Variants in CCDC30 observed in about 807,000 individuals in gnomAD.
CCDC30 encodes the protein coiled-coil domain containing 30.
CCDC30 carries 70 observed loss-of-function variants against 100.2 expected under a neutral mutation model. The ratio of observed to expected loss-of-function variants is 0.70; its 90% CI spans 0.58 to 0.85. The LOEUF (loss-of-function observed/expected upper bound fraction) is 0.85, where lower values mean the gene tolerates loss of function less well. CCDC30 is among the 40% of genes least tolerant of loss of function. The pLI, the probability that CCDC30 is intolerant of heterozygous loss-of-function variation, is 0.00. For synonymous variants in CCDC30, 233 were observed against 269.5 expected (o/e 0.86, Z 1.33); for missense variants, 652 against 771.2 (o/e 0.85, Z 1.83).
rs376619184 is a variant in CCDC30 at position 42,539,195 on chromosome 1, A to G, written c.457-27101A>G. 85 of 1,594,136 alleles carry G rather than the reference A, an allele frequency of 5.3e-5. No individual in the cohort carries two copies. In the African/African-American group the frequency reaches 1.1e-3, roughly 21 times the overall value. On this transcript the variant is annotated intron_variant, in intron 6 of 16. Transcript: ENST00000668663. ...CAGGAATTGCAAAAATCAAAGTCAG[A>G]GCTTATATGCCTTTATAATGAAGTT...
At chr1:42,506,481 G>A (rs868208474) in intron 6 of CCDC30, among the ~76,000 whole-genome samples, 1 of 152,182 alleles carries the variant, frequency 6.6e-6, no homozygotes, top group Non-Finnish European at 1.5e-5. Context: ...TATCTTTGTG[G>A]TTTACAATAA....
At chr1:42,606,400 C>T (rs943613496) in intron 10 of CCDC30, among the ~76,000 whole-genome samples, 1 of 152,160 alleles carries the variant, frequency 6.6e-6, no homozygotes, top group African/African-American at 2.4e-5. Context: ...GTTTCAGACT[C>T]CCTAGTAGCT....
chr1:42,590,453 G>A (rs983574339), intron 10 of CCDC30: 2 of 152,144 alleles, frequency 1.3e-5, no homozygotes, highest in African/African-American at 4.8e-5. Flanking sequence ...TCAGAAGAAG[G>A]CAGGAGGACC....
intron 9 of CCDC30, among the ~76,000 whole-genome samples, chr1:42,582,825 G>A (rs976525932): frequency 1.3e-5 from 2 of 152,108 alleles, no homozygotes; most frequent in African/African-American, 2.4e-5. Flanking sequence ...TTCTTCTCCT[G>A]TTACAATTCT....
At chr1:42,551,720 A>G (rs957001530) in intron 6 of CCDC30, among the ~76,000 whole-genome samples, 2 of 150,558 alleles carry the variant, frequency 1.3e-5, no homozygotes, top group African/African-American at 4.9e-5. Flanking sequence ...TTTCTCTTAT[A>G]CCTTTTGAAA....
intron 6 of CCDC30, among the ~76,000 whole-genome samples, chr1:42,507,572 A>G (rs1644414399): frequency 6.6e-6 from 1 of 152,238 alleles, no homozygotes; most frequent in Admixed American, 6.5e-5. Context: ...TTACTAAAAA[A>G]CATATTTTAC....
rs1646137561 is a variant in CCDC30, at chr1:42,589,318, C to T, written c.1002-3C>T. 1 of 1,581,046 alleles carries T rather than the reference C, an allele frequency of 6.3e-7. No individual in the cohort carries two copies. Among genetic ancestry groups the T allele is most frequent in the South Asian group, 1.2e-5 (1 of 84,456 alleles). On this transcript the variant is annotated splice_polypyrimidine_tract_variant and splice_region_variant and intron_variant, in intron 9 of 16. Transcript: ENST00000668663. ...TGATTTAATCTACATTAATTGCCCTCAGGAAACTTCTATATCAGAACGTAG... is the reference window on the plus strand; with the variant it reads ...TGATTTAATCTACATTAATTGCCCTTAGGAAACTTCTATATCAGAACGTAG...
chr1:42,553,008 A>G (rs1645286251), intron 6 of CCDC30, among the ~76,000 whole-genome samples: 1 of 152,040 alleles, frequency 6.6e-6, no homozygotes, highest in Non-Finnish European at 1.5e-5. Context: ...GGAATCCCTT[A>G]TTACAGCCTG....
chr1:42,510,510 A>C (rs2148490561), intron 6 of CCDC30, among the ~76,000 whole-genome samples: 1 of 152,186 alleles, frequency 6.6e-6, no homozygotes, highest in African/African-American at 2.4e-5. Context: ...TACAATAATT[A>C]GCTGGATGTG....
intron 1 of CCDC30, among the ~76,000 whole-genome samples, chr1:42,477,605 G>A (rs1192529015): frequency 3.9e-5 from 6 of 152,192 alleles, no homozygotes. Flanking sequence ...TCCCTAGCAT[G>A]TTAATGATTT....
the CCDC30 span, chr1:42,456,495 A>G: frequency 3.8e-5 from 53 of 1,407,548 alleles, no homozygotes; most frequent in Admixed American, 9.4e-5. Context: ...CGGCGCGTAC[A>G]CCAGGTAGGC....
At chr1:42,492,321 T>C in intron 4 of CCDC30, 1 of 198,390 alleles carries the variant, frequency 5.0e-6, no homozygotes. Context: ...AAGCTTTGCC[T>C]ATCTATTTAT....
At chr1:42,485,897 A>G (rs984363023) in intron 3 of CCDC30, among the ~76,000 whole-genome samples, 1 of 152,162 alleles carries the variant, frequency 6.6e-6, no homozygotes, top group Non-Finnish European at 1.5e-5. Flanking sequence ...GTTCGATACC[A>G]TTAGTTATTA....
At chr1:42,650,509 G>A (rs931542847) in intron 15 of CCDC30, among the ~76,000 whole-genome samples, 62 of 148,972 alleles carry the variant, frequency 4.2e-4, no homozygotes, top group African/African-American at 1.0e-3. Flanking sequence ...GTGTGTGTGT[G>A]TGTGTGTGTG....
chr1:42,598,489 G>A (rs1472489119), intron 10 of CCDC30, among the ~76,000 whole-genome samples: 1 of 152,026 alleles, frequency 6.6e-6, no homozygotes, highest in Non-Finnish European at 1.5e-5. Flanking sequence ...AAGCTGCAAT[G>A]AGCTGATGCA....
intron 1 of CCDC30, among the ~76,000 whole-genome samples, chr1:42,472,265 A>T (rs1643794776): frequency 6.6e-6 from 1 of 152,162 alleles, no homozygotes; most frequent in Admixed American, 6.5e-5. Flanking sequence ...AGAAAAAAAA[A>T]TAGTTAGTGG....
chr1:42,616,326 C>A (rs1433974477), intron 11 of CCDC30, among the ~76,000 whole-genome samples: 1 of 152,144 alleles, frequency 6.6e-6, no homozygotes, highest in African/African-American at 2.4e-5. Context: ...TGGGCTCCAA[C>A]ATAGAAGAAT....
rs559262524 is a variant in CCDC30, at chr1:42,531,080, GT to G, written c.456+32165del. 2.2e-4 allele frequency among the ~76,000 whole-genome samples: 33 copies of G among 152,278 alleles called. 1 individual carries two copies. The highest frequency in any genetic ancestry group is 1.5e-3 in the Admixed American group (23 of 15,294). ...ACCCCAATGTTGGAGGAGTGGCCTG[GT>G]GGGAGGTGATTGGATCATGGGGGCA... On this transcript the variant is annotated intron_variant, in intron 6 of 16. Transcript: ENST00000668663.
At chr1:42,491,238 A>G (rs961175934) in intron 4 of CCDC30, among the ~76,000 whole-genome samples, 1 of 152,250 alleles carries the variant, frequency 6.6e-6, no homozygotes, top group Non-Finnish European at 1.5e-5. Flanking sequence ...ATTGATATTT[A>G]TAGAAAATTT....
Sources: allele counts gnomAD v4.1 joint callset (sites outside exome capture counted in the v4.1 genomes callset), GRCh38; gene constraint gnomAD v4.1.1; transcripts MANE v1.5; gene names NCBI Gene and HGNC (gene_info 2026-07-23, HGNC 2026-07-21).